Variants in WIPI2 observed in about 807,000 individuals in gnomAD.
The protein encoded by WIPI2 is WD repeat domain phosphoinositide-interacting protein 2.
WIPI2 carries 28 observed loss-of-function variants against 52.3 expected under a neutral mutation model. The observed-to-expected ratio is 0.54, with a 90% CI of 0.40 to 0.73. The LOEUF (loss-of-function observed/expected upper bound fraction) is 0.73, where lower values mean the gene tolerates loss of function less well. Among genes scored for constraint, WIPI2 ranks in the 30% least tolerant of loss-of-function variants. The pLI is 0.00. For synonymous variants in WIPI2, 268 were observed against 245.0 expected, an observed-to-expected ratio of 1.09 and a Z score of -0.88; for missense variants, 506 against 602.9, an observed-to-expected ratio of 0.84 and a Z score of 1.68.
chr7:5,227,117 T>TA lies in WIPI2; in HGVS notation c.849-62dup. 6.3e-7 allele frequency: 1 copy of TA among 1,596,752 alleles called. No homozygotes were observed. The highest frequency in any genetic ancestry group is 8.5e-7 in the Non-Finnish European group (1 of 1,170,134). ...CTCCAGAGCTGTGCGTCTGTGTGAG[T>TA]AGGGGGTGGCCGTCCCCCCAGGGAG... On this transcript the variant is annotated intron_variant, in intron 9 of 12. Transcript: ENST00000288828. This position sits in a 1 kb window ranked among gnomAD's most constrained non-coding sequence, Gnocchi z 8.1.
At position 5,227,317 on chromosome 7, in the gene WIPI2, G is replaced by A; in HGVS notation, c.986G>A (p.Gly329Asp). The A allele has an allele frequency of 6.2e-7, 1 of 1,613,718 alleles. No homozygotes were observed. Residue 329 changes from glycine to aspartate, a missense_variant, in exon 10 of 13, where the codon GGC (glycine) becomes GAC (aspartate). Physicochemically the swap from Gly to Asp is moderately conservative, Grantham distance 94. This residue lies in a region of WIPI2 where 237 missense variants were observed against 346.9 expected (regional missense o/e 0.68). Coordinates refer to ENST00000288828, the MANE Select transcript of WIPI2 (RefSeq NM_015610.4). The surrounding 1 kb of genome is among the most constrained non-coding windows in gnomAD (Gnocchi z 8.1). ...AFATVRLPFC[G>D]HKNICSLATI... Reference sequence around the variant, plus strand: ...GCCACGGTCCGCCTGCCATTCTGCGGCCACAAAAACATCTGCTCGCTAGCC... The same window carrying A: ...GCCACGGTCCGCCTGCCATTCTGCGACCACAAAAACATCTGCTCGCTAGCC...
At chr7:5,211,982 C>G (rs1021404758) in intron 3 of WIPI2, among the ~76,000 whole-genome samples, 1 of 152,228 alleles carries the variant, frequency 6.6e-6, no homozygotes, top group South Asian at 2.1e-4. Flanking sequence ...TTGGATGTAG[C>G]ACTGGGGTTA....
At chr7:5,194,026 G>T (rs527254553) in intron 2 of WIPI2, among the ~76,000 whole-genome samples, 6 of 152,356 alleles carry the variant, frequency 3.9e-5, no homozygotes, top group African/African-American at 1.4e-4. Context: ...TCGCCATCAG[G>T]ACTTGTGTGA....
intron 8 of WIPI2, among the ~76,000 whole-genome samples, chr7:5,223,072 T>C (rs527827252): frequency 3.1e-4 from 47 of 152,332 alleles, no homozygotes; most frequent in African/African-American, 1.1e-3. Flanking sequence ...GCAAATGGCA[T>C]TGGCCCCTTC....
At chr7:5,194,504 AAAT>A (rs1781646100) in intron 2 of WIPI2, among the ~76,000 whole-genome samples, 1 of 152,344 alleles carries the variant, frequency 6.6e-6, no homozygotes, top group Admixed American at 6.5e-5. Flanking sequence ...GTTCAAGTTT[AAAT>A]TCATTGACGG....
At chr7:5,201,997 CT>C (rs1446478683) in intron 3 of WIPI2, among the ~76,000 whole-genome samples, 1 of 151,778 alleles carries the variant, frequency 6.6e-6, no homozygotes, top group Non-Finnish European at 1.5e-5. Flanking sequence ...AGGTTAGCTA[CT>C]AAGTGAAATG....
At chr7:5,224,293 G>C (rs962734729) in intron 8 of WIPI2, among the ~76,000 whole-genome samples, 4 of 152,192 alleles carry the variant, frequency 2.6e-5, no homozygotes, top group Non-Finnish European at 2.9e-5. Flanking sequence ...TGTCGCCCTC[G>C]AGGAGGCCTT....
chr7:5,212,192 C>T lies in WIPI2; in HGVS notation c.212-2343C>T, dbSNP rs538967049. Among the ~76,000 whole-genome samples the T allele has an allele frequency of 2.0e-4, 31 of 152,206 alleles. 1 individual carries two copies. Among genetic ancestry groups the T allele is most frequent in the African/African-American group, 7.0e-4 (29 of 41,516 alleles). On this transcript the variant is annotated intron_variant, in intron 3 of 12. Transcript: ENST00000288828. ...TCGTCTATGACAGGCGACATTAGAC[C>T]TGGGGGTGGTGCAGCCGTGAATGGG...
At chr7:5,214,325 C>T in intron 3 of WIPI2, 1 of 1,568,664 alleles carries the variant, frequency 6.4e-7, no homozygotes, top group Non-Finnish European at 8.6e-7. Context: ...GAGGGGCCAT[C>T]CTTAGAGTGG....
chr7:5,200,766 G>T (rs1416059893), intron 3 of WIPI2, among the ~76,000 whole-genome samples: 2 of 152,200 alleles, frequency 1.3e-5, no homozygotes, highest in African/African-American at 4.8e-5. Context: ...CTCTGCAGGT[G>T]AGCCTGCAGG....
chr7:5,192,355 G>T (rs879275731), intron 1 of WIPI2, among the ~76,000 whole-genome samples: 3 of 152,148 alleles, frequency 2.0e-5, no homozygotes, highest in Non-Finnish European at 4.4e-5. Flanking sequence ...GTATAAATTA[G>T]AGAGTTTCCA....
At chr7:5,225,329 C>CG (rs1364221289) in intron 8 of WIPI2, among the ~76,000 whole-genome samples, 14 of 152,014 alleles carry the variant, frequency 9.2e-5, no homozygotes, top group East Asian at 7.8e-4. Context: ...TTAGTAGAGA[C>CG]GGGGGGTTTC....
At chr7:5,228,251 T>C (rs778189471) in intron 11 of WIPI2, 40 bp downstream of exon 11, 2 of 1,538,476 alleles carry the variant, frequency 1.3e-6, no homozygotes, top group South Asian at 2.4e-5. Flanking sequence ...TGCTCCGTGC[T>C]GGCGGGGGGC....
intron 12 of WIPI2, among the ~76,000 whole-genome samples, chr7:5,229,947 TA>T (rs1332074197): frequency 2.1e-5 from 3 of 140,228 alleles, no homozygotes; most frequent in African/African-American, 8.0e-5. Context: ...TTTTTTTTTT[TA>T]AAGGAGAGAT....
chr7:5,191,832 G>T (rs1238498364), intron 1 of WIPI2, among the ~76,000 whole-genome samples: 2 of 152,170 alleles, frequency 1.3e-5, no homozygotes, highest in African/African-American at 4.8e-5. Flanking sequence ...TGTACAGCAG[G>T]CACTCAATAG....
intron 2 of WIPI2, among the ~76,000 whole-genome samples, chr7:5,197,118 CAAAAAAAAAAAAAAAA>C (rs869261081): frequency 0.02 from 809 of 41,484 alleles, 15 homozygotes; most frequent in African/African-American, 0.06. Flanking sequence ...TCTCAAAAAA[CAAAAAAAAAAAAAAAA>C]AAAAAAAAAA....
Position 5,222,529 on chromosome 7 carries a change from A to G in WIPI2, c.670-73A>G, listed in dbSNP as rs542231146. 33 of 1,462,006 alleles carry G rather than the reference A, an allele frequency of 2.3e-5. No homozygotes were observed. The South Asian group carries it at 3.7e-4, about 16-fold the overall frequency. 90.6% of individuals were successfully genotyped at this position (1,462,006 alleles called of 1,614,324 possible). A position where few individuals can be genotyped will look rare whatever the true frequency, so the allele number is the denominator to read the frequency against. ...GGAGATAGCCGTGTGGCGCATTTGC[A>G]GTCTGCTGTGAAAGATGGGAAATTC... On this transcript the variant is annotated intron_variant, in intron 7 of 12. Transcript: ENST00000288828.
rs577577448 is a variant in WIPI2 at position 5,222,019 on chromosome 7, G to A, written c.670-583G>A. ...AGCTGGAGTGCAGTGGTGCAGTCTCGGCTCACTGCAACCTCCACCTCCTGG... is the reference window on the plus strand; with the variant it reads ...AGCTGGAGTGCAGTGGTGCAGTCTCAGCTCACTGCAACCTCCACCTCCTGG... On this transcript the variant is annotated intron_variant, in intron 7 of 12. Coordinates refer to ENST00000288828, the MANE Select transcript of WIPI2 (RefSeq NM_015610.4). Among the ~76,000 whole-genome samples, 20 of 144,310 alleles carry A rather than the reference G, an allele frequency of 1.4e-4. 1 individual carries two copies. Among genetic ancestry groups the A allele is most frequent in the East Asian group, 1.0e-3 (5 of 4,962 alleles). 94.7% of individuals were successfully genotyped at this position (144,310 alleles called of 152,430 possible). A position where few individuals can be genotyped will look rare whatever the true frequency, so the allele number is the denominator to read the frequency against.
In WIPI2 at chr7:5,232,240, T is replaced by C. The variant is rs568413369; in HGVS notation, c.*1293T>C. Reference sequence around the variant, plus strand: ...ACCCTGCCTTTGCAGGCTGGGGTTTTTGAACCGAGGAAGGCTGGGACGCCT... The same window carrying C: ...ACCCTGCCTTTGCAGGCTGGGGTTTCTGAACCGAGGAAGGCTGGGACGCCT... On this transcript the variant is annotated 3_prime_UTR_variant, in exon 13 of 13. Coordinates refer to ENST00000288828, the MANE Select transcript of WIPI2 (RefSeq NM_015610.4). 2.5e-6 allele frequency: 1 copy of C among 398,692 alleles called. No homozygotes were observed. The highest frequency in any genetic ancestry group is 1.3e-4 in the South Asian group (1 of 7,862). 24.7% of individuals were successfully genotyped at this position (398,692 alleles called of 1,614,324 possible). A position where few individuals can be genotyped will look rare whatever the true frequency, so the allele number is the denominator to read the frequency against.
Sources: allele counts gnomAD v4.1 joint callset (sites outside exome capture counted in the v4.1 genomes callset), GRCh38; gene constraint gnomAD v4.1.1; regional missense constraint gnomAD v4.1.1; non-coding constraint Gnocchi (gnomAD v3.1); transcripts MANE v1.5; gene names NCBI Gene and HGNC (gene_info 2026-07-23, HGNC 2026-07-21).